CDADC1: variants seen among roughly 807,000 people sequenced by gnomAD.
The protein encoded by CDADC1 is cytidine and dCMP deaminase domain containing 1.
A neutral mutation model predicts 54.9 loss-of-function variants in CDADC1; 39 were observed. That is an observed-to-expected ratio of 0.71 (90% confidence interval 0.55 to 0.93). CDADC1 has a LOEUF of 0.93. Ranked by LOEUF, CDADC1 falls within the 40% of genes least tolerant of loss-of-function variation. The probability of loss-of-function intolerance (pLI) is 0.00; values close to 1 mark genes in which losing one functional copy is unlikely to be tolerated. For synonymous variants in CDADC1, 186 were observed against 204.0 expected, an observed-to-expected ratio of 0.91 and a Z score of 0.75; for missense variants, 518 against 618.8, an observed-to-expected ratio of 0.84 and a Z score of 1.73.
At chr13:49,248,269 GCGGT>G (rs1952342941) in intron 1 of CDADC1, 150 bp downstream of exon 1, 2 of 674,418 alleles carry the variant, frequency 3.0e-6, no homozygotes, top group African/African-American at 3.6e-5. Flanking sequence ...TGTCCCCTCC[GCGGT>G]CGCCAGGACC....
chr13:49,255,427 C>T (rs1235634248), intron 2 of CDADC1, among the ~76,000 whole-genome samples: 1 of 152,192 alleles, frequency 6.6e-6, no homozygotes, highest in Non-Finnish European at 1.5e-5. Flanking sequence ...GGGCATTATC[C>T]TGCCTACCAC....
At chr13:49,274,395 T>C in intron 6 of CDADC1, 55 bp downstream of exon 6, 1 of 1,453,726 alleles carries the variant, frequency 6.9e-7, no homozygotes, top group Admixed American at 1.7e-5. Context: ...TTAAACATAG[T>C]TCAGTCTTCG....
At chr13:49,275,060 A>G (rs1319229832) in intron 6 of CDADC1, among the ~76,000 whole-genome samples, 1 of 151,786 alleles carries the variant, frequency 6.6e-6, no homozygotes, top group African/African-American at 2.4e-5. Context: ...GACCAGGAGG[A>G]TAACATGAAT....
intron 7 of CDADC1, among the ~76,000 whole-genome samples, chr13:49,279,882 C>T (rs76770136): frequency 0.029 from 4,341 of 152,236 alleles, 195 homozygotes; most frequent in African/African-American, 0.096. Flanking sequence ...TTTTCCTTGT[C>T]CTCTTCATTA....
At position 49,247,950 on chromosome 13, in the gene CDADC1, G is replaced by T; in HGVS notation, c.-88G>T. 1 of 1,220,804 alleles carries T rather than the reference G, an allele frequency of 8.2e-7. No individual in the cohort carries two copies. Among genetic ancestry groups the T allele is most frequent in the Non-Finnish European group, 1.2e-6 (1 of 847,562 alleles). 75.6% of individuals were successfully genotyped at this position (1,220,804 alleles called of 1,614,324 possible). The stretch of plus-strand genomic sequence containing the variant: ...AGTGGGCCGTTGCCTTACAGTTGCT[G>T]AGAGGAGGCGAGAGGCGGGGGCGCT... On this transcript the variant is annotated 5_prime_UTR_variant, in exon 1 of 10. Transcript: ENST00000251108.
intron 8 of CDADC1, among the ~76,000 whole-genome samples, chr13:49,285,314 G>A (rs1953479010): frequency 1.3e-5 from 2 of 151,818 alleles, no homozygotes; most frequent in South Asian, 4.2e-4. Context: ...GAGTAGCTGG[G>A]ACTACAGGCA....
chr13:49,251,752 T>TA (rs1184002960), intron 2 of CDADC1, among the ~76,000 whole-genome samples: 6 of 152,012 alleles, frequency 3.9e-5, no homozygotes, highest in Middle Eastern at 3.4e-3. Flanking sequence ...AGCATTTTGT[T>TA]AAAAAAAATA....
At chr13:49,281,931 C>T (rs1460076347) in intron 8 of CDADC1, among the ~76,000 whole-genome samples, 1 of 132,252 alleles carries the variant, frequency 7.6e-6, no homozygotes, top group Non-Finnish European at 1.6e-5. Flanking sequence ...CCCCCTCCCC[C>T]CACCCCCCAG....
In CDADC1 at chr13:49,291,831, A is replaced by T; in HGVS notation, c.*74A>T. On this transcript the variant is annotated 3_prime_UTR_variant, in exon 10 of 10. Transcript: ENST00000251108. ...TTCTAAAATTCAGCCTTGTTCATTC[A>T]GAAAATAAGGATGGATTTTGTGAAT... 1.3e-6 allele frequency: 2 copies of T among 1,547,514 alleles called. No individual in the cohort carries two copies. The highest frequency in any genetic ancestry group is 1.7e-6 in the Non-Finnish European group (2 of 1,148,368).
intron 4 of CDADC1, among the ~76,000 whole-genome samples, chr13:49,265,594 T>G (rs1229871049): frequency 6.6e-6 from 1 of 152,150 alleles, no homozygotes; most frequent in Non-Finnish European, 1.5e-5. Flanking sequence ...AATTTTTGTT[T>G]TGGAAAATAG....
At chr13:49,265,505 A>T (rs1952795247) in intron 4 of CDADC1, among the ~76,000 whole-genome samples, 1 of 152,172 alleles carries the variant, frequency 6.6e-6, no homozygotes. Context: ...GATATTGCTG[A>T]TAACTATTGT....
chr13:49,280,720 TC>T, intron 8 of CDADC1, 22 bp downstream of exon 8: 1 of 1,499,698 alleles, frequency 6.7e-7, no homozygotes. Flanking sequence ...CACATTTTTT[TC>T]AGGTGTATTT....
At position 49,292,212 on chromosome 13, in the gene CDADC1, A is replaced by G; in HGVS notation, c.*455A>G. 1 of 988,360 alleles carries G rather than the reference A, an allele frequency of 1.0e-6. No individual in the cohort carries two copies. The highest frequency in any genetic ancestry group is 1.2e-6 in the Non-Finnish European group (1 of 829,808). The allele number at this position is 988,360 out of a possible 1,614,324, so 61.2% of individuals were successfully genotyped here. A position where few individuals can be genotyped will look rare whatever the true frequency, so the allele number is the denominator to read the frequency against. ...ATCTTTTAAGAGTCAGTGTATAGCA[A>G]ACCAAAAGATCACATTTATACCCAA... On this transcript the variant is annotated 3_prime_UTR_variant, in exon 10 of 10. Transcript: ENST00000251108.
At chr13:49,251,599 T>A (rs191364813) in intron 2 of CDADC1, among the ~76,000 whole-genome samples, 1 of 152,098 alleles carries the variant, frequency 6.6e-6, no homozygotes, top group Non-Finnish European at 1.5e-5. Context: ...TAGTGAGAAA[T>A]GACATTTATG....
chr13:49,267,200 T>C (rs895301730), intron 4 of CDADC1, among the ~76,000 whole-genome samples: 1 of 152,210 alleles, frequency 6.6e-6, no homozygotes, highest in South Asian at 2.1e-4. Flanking sequence ...ATACTGAAAT[T>C]TGAATTTCTG....
intron 2 of CDADC1, 68 bp from the exon 3 acceptor site, chr13:49,255,771 G>A: frequency 1.9e-6 from 3 of 1,566,784 alleles, no homozygotes; most frequent in Non-Finnish European, 2.6e-6. Flanking sequence ...CTTTAAATAT[G>A]GGAATATTGA....
chr13:49,275,903 G>A (rs954529540), intron 6 of CDADC1, among the ~76,000 whole-genome samples: 1 of 151,230 alleles, frequency 6.6e-6, no homozygotes, highest in Non-Finnish European at 1.5e-5. Context: ...CCAGTAGCTG[G>A]GACTACAGGT....
At position 49,251,420 on chromosome 13, in the gene CDADC1, AC is replaced by A. The variant is rs551476653; in HGVS notation, c.177+2456del. 6.5e-3 allele frequency among the ~76,000 whole-genome samples: 991 copies of A among 152,128 alleles called. 6 individuals carry two copies. Among genetic ancestry groups the A allele is most frequent in the African/African-American group, 0.017 (720 of 41,512 alleles). On this transcript the variant is annotated intron_variant, in intron 2 of 9. Coordinates refer to ENST00000251108, the MANE Select transcript of CDADC1 (RefSeq NM_030911.4). ...AAAAAGAAAAAAAAAAGAAAAAAAA[AC>A]GTATAAAAACTGGACATATTAGAGA...
At chr13:49,258,948 A>G (rs150349244) in intron 3 of CDADC1, among the ~76,000 whole-genome samples, 1 of 152,320 alleles carries the variant, frequency 6.6e-6, no homozygotes, top group Admixed American at 6.5e-5. Flanking sequence ...GGCTTTACTT[A>G]TCCATGTGTA....
Sources: gnomAD v4.1 joint callset for allele counts (sites outside exome capture counted in the v4.1 genomes callset) on GRCh38, gnomAD v4.1.1 for gene constraint, MANE v1.5 for transcripts, NCBI Gene and HGNC (gene_info 2026-07-23, HGNC 2026-07-21) for gene names.